The following PPP2R2B variants were observed in gnomAD, a reference collection of about 807,000 sequenced individuals.
PPP2R2B encodes serine/threonine-protein phosphatase 2A 55 kDa regulatory subunit B beta isoform.
In PPP2R2B, 5 loss-of-function variants were observed where a neutral mutation model predicts 46.0. That is an observed-to-expected ratio of 0.11 (90% CI 0.06 to 0.23). The LOEUF (loss-of-function observed/expected upper bound fraction) is 0.23, where lower values mean the gene tolerates loss of function less well. Among genes scored for constraint, PPP2R2B ranks in the 10% least tolerant of loss-of-function variants. The probability of loss-of-function intolerance (pLI) is 1.00; values close to 1 mark genes in which losing one functional copy is unlikely to be tolerated. For missense variants in PPP2R2B, 367 were observed against 575.0 expected, an observed-to-expected ratio of 0.64 and a Z score of 3.70; for synonymous variants, 215 against 206.7, an observed-to-expected ratio of 1.04 and a Z score of -0.34.
At chr5:146,836,873 C>T (rs1307873892) in intron 2 of PPP2R2B, among the ~76,000 whole-genome samples, 1 of 152,176 alleles carries the variant, frequency 6.6e-6, no homozygotes, top group Admixed American at 6.5e-5. Flanking sequence ...GCATCAAAAT[C>T]ATTGGAAGAT....
exon 1 of PPP2R2B, chr5:147,055,947 A>T: frequency 7.1e-7 from 1 of 1,401,864 alleles, no homozygotes; most frequent in Non-Finnish European, 9.2e-7. Context: ...ACATTTCTGC[A>T]TGCAGCTCAA....
chr5:146,832,913 T>C (rs533818574), intron 2 of PPP2R2B, among the ~76,000 whole-genome samples: 3 of 152,060 alleles, frequency 2.0e-5, no homozygotes, highest in South Asian at 4.2e-4. Flanking sequence ...AAGGATGAAA[T>C]TGCCTAATGG....
At chr5:146,893,631 C>T (rs319181) in intron 1 of PPP2R2B, among the ~76,000 whole-genome samples, 76,912 of 151,744 alleles carry the variant, frequency 0.51, 21,969 homozygotes, top group African/African-American at 0.76. Context: ...CTGGCCAATA[C>T]GGTGAAAACC....
intron 6 of PPP2R2B, among the ~76,000 whole-genome samples, chr5:146,645,295 G>A (rs1020325): frequency 0.75 from 114,257 of 152,148 alleles, 44,135 homozygotes; most frequent in Non-Finnish European, 0.83. Context: ...GAAAGGACAT[G>A]TTGCTTGATG....
At chr5:146,632,775 G>T (rs1365750702) in intron 7 of PPP2R2B, among the ~76,000 whole-genome samples, 1 of 152,172 alleles carries the variant, frequency 6.6e-6, no homozygotes, top group Non-Finnish European at 1.5e-5. Flanking sequence ...CAGGTAGAGT[G>T]TGTGGGGGGC....
intron 2 of PPP2R2B, among the ~76,000 whole-genome samples, chr5:146,841,345 T>C (rs1335112397): frequency 6.6e-6 from 1 of 152,186 alleles, no homozygotes; most frequent in Non-Finnish European, 1.5e-5. Context: ...TGTAGAGTTT[T>C]TAAAGACGCT....
At chr5:146,742,291 C>G (rs1752925222) in intron 2 of PPP2R2B, among the ~76,000 whole-genome samples, 1 of 152,074 alleles carries the variant, frequency 6.6e-6, no homozygotes, top group African/African-American at 2.4e-5. Flanking sequence ...GACTCCACAC[C>G]AACTGCCTCC....
chr5:146,972,143 C>G (rs1366237334), intron 1 of PPP2R2B, among the ~76,000 whole-genome samples: 1 of 152,058 alleles, frequency 6.6e-6, no homozygotes, highest in African/African-American at 2.4e-5. Flanking sequence ...AAGTCCTGGT[C>G]AGTGGTTTGT....
intron 1 of PPP2R2B, among the ~76,000 whole-genome samples, chr5:147,054,862 A>G (rs1035452772): frequency 1.3e-5 from 2 of 152,194 alleles, no homozygotes; most frequent in African/African-American, 4.8e-5. Flanking sequence ...TTTCTAGGAT[A>G]TGTCAGATCT....
At chr5:146,607,992 T>C (rs923200561) in intron 7 of PPP2R2B, among the ~76,000 whole-genome samples, 2 of 152,264 alleles carry the variant, frequency 1.3e-5, no homozygotes, top group Non-Finnish European at 2.9e-5. Context: ...TTATGTGTCA[T>C]AAAACACTAT....
intron 1 of PPP2R2B, among the ~76,000 whole-genome samples, chr5:147,052,850 A>G (rs1404481223): frequency 6.6e-6 from 1 of 152,098 alleles, no homozygotes; most frequent in Non-Finnish European, 1.5e-5. Context: ...ATGGAGAACC[A>G]AATCTCCTCT....
At chr5:146,898,047 T>C (rs1040762800) in intron 1 of PPP2R2B, among the ~76,000 whole-genome samples, 1 of 152,044 alleles carries the variant, frequency 6.6e-6, no homozygotes, top group African/African-American at 2.4e-5. Context: ...TAGCCGGGTG[T>C]GGTGGCAGGA....
At chr5:146,995,476 C>T (rs138990681) in intron 1 of PPP2R2B, among the ~76,000 whole-genome samples, 21 of 152,266 alleles carry the variant, frequency 1.4e-4, no homozygotes, top group African/African-American at 2.6e-4. Flanking sequence ...TATGGCTGAA[C>T]GTGCAGGTTT....
At chr5:146,621,643 C>A (rs577089478) in intron 7 of PPP2R2B, among the ~76,000 whole-genome samples, 2 of 152,080 alleles carry the variant, frequency 1.3e-5, no homozygotes, top group African/African-American at 4.8e-5. Flanking sequence ...CACAATGTAC[C>A]GAGGCAATGT....
Position 146,771,934 on chromosome 5 carries a change from A to C in PPP2R2B, c.71-70792T>G, listed in dbSNP as rs111814042. ...ACCTAGAGGAGATCAGAATGTGTGT[A>C]CCTTCAGAGATACAAATTCTATTTC... On this transcript the variant is annotated intron_variant, in intron 2 of 9. Coordinates refer to ENST00000394411, the MANE Select transcript of PPP2R2B (RefSeq NM_181675.4). 4.4e-3 allele frequency among the ~76,000 whole-genome samples: 665 copies of C among 152,292 alleles called. 6 individuals are homozygous for C. The highest frequency in any genetic ancestry group is 0.015 in the African/African-American group (615 of 41,566).
chr5:146,985,289 GATTAC>G (rs1040414473), intron 1 of PPP2R2B, among the ~76,000 whole-genome samples: 2 of 152,102 alleles, frequency 1.3e-5, no homozygotes, highest in African/African-American at 4.8e-5. Flanking sequence ...AAAGTGCTGA[GATTAC>G]AGGCGTGAGC....
chr5:146,744,603 C>A (rs1358467872), intron 2 of PPP2R2B, among the ~76,000 whole-genome samples: 2 of 152,194 alleles, frequency 1.3e-5, no homozygotes, highest in African/African-American at 4.8e-5. Flanking sequence ...TCCATCAGCA[C>A]TGGGATATGA....
intron 7 of PPP2R2B, among the ~76,000 whole-genome samples, chr5:146,608,870 G>A (rs929448149): frequency 1.3e-5 from 2 of 152,062 alleles, no homozygotes; most frequent in Admixed American, 6.6e-5. Flanking sequence ...AAGAACTAAT[G>A]TCAATTCTAC....
At chr5:147,002,613 A>C (rs1009705768) in intron 1 of PPP2R2B, among the ~76,000 whole-genome samples, 3 of 149,358 alleles carry the variant, frequency 2.0e-5, no homozygotes, top group Non-Finnish European at 4.4e-5. Flanking sequence ...GTTTTCGAGA[A>C]TGCATCAGTA....
Sources: gnomAD v4.1 joint callset for allele counts (sites outside exome capture counted in the v4.1 genomes callset) on GRCh38, gnomAD v4.1.1 for gene constraint, MANE v1.5 for transcripts, NCBI Gene and HGNC (gene_info 2026-07-23, HGNC 2026-07-21) for gene names.